Variants in FRMPD4 observed in about 807,000 individuals in gnomAD.
FRMPD4 encodes the protein FERM and PDZ domain-containing protein 4.
Under a neutral mutation model 94.1 loss-of-function variants are expected in FRMPD4, and 22 were observed. That is an observed-to-expected ratio of 0.23 (90% CI 0.17 to 0.33). FRMPD4 has a LOEUF of 0.33. FRMPD4 is among the 10% of genes least tolerant of loss of function. The probability of loss-of-function intolerance (pLI) is 1.00; values close to 1 mark genes in which losing one functional copy is unlikely to be tolerated. For synonymous variants in FRMPD4, 631 were observed against 548.6 expected (o/e 1.15, Z -2.10); for missense variants, 1,111 against 1,339.9 (o/e 0.83, Z 2.67).
At chrX:12,139,253 T>G (rs183499215) in intron 1 of FRMPD4, among the ~76,000 whole-genome samples, 12 of 111,192 alleles carry the variant, frequency 1.1e-4, no homozygotes, top group Non-Finnish European at 2.1e-4. Flanking sequence ...ACACCGACAT[T>G]CACGACAGTT....
At chrX:12,688,503 G>A (rs2060049984) in intron 7 of FRMPD4, among the ~76,000 whole-genome samples, 1 of 111,799 alleles carries the variant, frequency 8.9e-6, no homozygotes, top group Non-Finnish European at 1.9e-5. Flanking sequence ...TATTACAATA[G>A]ACACTGGCTG....
At chrX:12,392,791 T>C (rs1216190284) in intron 1 of FRMPD4, among the ~76,000 whole-genome samples, 1 of 111,989 alleles carries the variant, frequency 8.9e-6, no homozygotes, top group Non-Finnish European at 1.9e-5. Context: ...TCCCATATCC[T>C]AGAGATAAGA....
intron 3 of FRMPD4, among the ~76,000 whole-genome samples, chrX:11,929,179 A>G (rs1337201403): frequency 8.9e-6 from 1 of 112,078 alleles, no homozygotes; most frequent in Admixed American, 9.4e-5. Context: ...GGGTGATGGA[A>G]TAATCTGTAC....
chrX:12,501,240 T>G (rs2057916517), intron 2 of FRMPD4, among the ~76,000 whole-genome samples: 1 of 112,682 alleles, frequency 8.9e-6, no homozygotes, highest in African/African-American at 3.2e-5. Flanking sequence ...CTGCACTGAT[T>G]ACTAAATGGC....
At chrX:12,084,705 A>C (rs781705222) in intron 3 of FRMPD4, among the ~76,000 whole-genome samples, 2 of 112,416 alleles carry the variant, frequency 1.8e-5, no homozygotes, top group Non-Finnish European at 3.8e-5. Flanking sequence ...ATTGATAATT[A>C]AAAGCATCTT....
intron 1 of FRMPD4, among the ~76,000 whole-genome samples, chrX:12,393,901 GAT>G (rs1234226129): frequency 2.7e-5 from 3 of 111,629 alleles, no homozygotes; most frequent in Non-Finnish European, 5.7e-5. Flanking sequence ...ACTTATGAAA[GAT>G]AGAAACCTGT....
At chrX:12,674,439 C>T (rs1283868562) in intron 4 of FRMPD4, among the ~76,000 whole-genome samples, 1 of 111,837 alleles carries the variant, frequency 8.9e-6, no homozygotes, top group Non-Finnish European at 1.9e-5. Flanking sequence ...AATCTCTTCC[C>T]CTGACAGAAA....
At chrX:12,493,432 C>T (rs968444127) in intron 1 of FRMPD4, among the ~76,000 whole-genome samples, 6 of 111,401 alleles carry the variant, frequency 5.4e-5, no homozygotes, top group Non-Finnish European at 5.7e-5. Context: ...GCAATGTCAC[C>T]GATGAATGAC....
intron 1 of FRMPD4, among the ~76,000 whole-genome samples, chrX:12,215,715 T>C (rs994945426): frequency 8.9e-6 from 1 of 111,842 alleles, no homozygotes; most frequent in Non-Finnish European, 1.9e-5. Context: ...GCCATACTTC[T>C]CTCTAGGTAC....
At chrX:12,635,517 C>A (rs985566998) in intron 4 of FRMPD4, among the ~76,000 whole-genome samples, 1 of 111,361 alleles carries the variant, frequency 9.0e-6, no homozygotes, top group Admixed American at 9.6e-5. Context: ...ACTGGACTTC[C>A]CAAACAGAGC....
intron 1 of FRMPD4, among the ~76,000 whole-genome samples, chrX:11,825,101 C>T (rs953532811): frequency 1.8e-5 from 2 of 109,478 alleles, no homozygotes; most frequent in African/African-American, 3.3e-5. Flanking sequence ...AAAACAAGAA[C>T]AGAAATAGAG....
At chrX:12,065,256 C>T (rs938836748) in intron 3 of FRMPD4, among the ~76,000 whole-genome samples, 1 of 112,137 alleles carries the variant, frequency 8.9e-6, no homozygotes, top group African/African-American at 3.2e-5. Context: ...TCAAACAGAG[C>T]TGTTCCTGGC....
Position 12,294,485 on chromosome X carries a change from C to G in FRMPD4, c.41+155473C>G, listed in dbSNP as rs6640962. ...ATAACTGTACACACACACACACACA[C>G]AGAGAGAGAGAGAGAGAGAGTTTTA... is the stretch of plus-strand genomic sequence containing the variant. On this transcript the variant is annotated intron_variant, in intron 1 of 16. Transcript: ENST00000675598. Among the ~76,000 whole-genome samples the G allele has an allele frequency of 6.4e-3, 586 of 92,091 alleles. 5 individuals are homozygous for G. Among genetic ancestry groups the G allele is most frequent in the African/African-American group, 0.022 (549 of 25,078 alleles). 80.0% of individuals were successfully genotyped at this position (92,091 alleles called of 115,157 possible). A position where few individuals can be genotyped will look rare whatever the true frequency, so the allele number is the denominator to read the frequency against.
chrX:12,709,903 G>A (rs4994373), intron 13 of FRMPD4, among the ~76,000 whole-genome samples: 23,607 of 110,328 alleles, frequency 0.21, 1,924 homozygotes, highest in Middle Eastern at 0.3. Flanking sequence ...TGAGGTGGGC[G>A]GATCATTTGA....
chrX:11,953,391 C>T (rs371165715), intron 3 of FRMPD4, among the ~76,000 whole-genome samples: 4 of 111,800 alleles, frequency 3.6e-5, no homozygotes, highest in Middle Eastern at 4.6e-3. Context: ...AAAGATGTCC[C>T]TTTTCAGGAG....
intron 1 of FRMPD4, among the ~76,000 whole-genome samples, chrX:12,220,409 A>AT (rs2056852621): frequency 8.9e-6 from 1 of 111,881 alleles, no homozygotes; most frequent in African/African-American, 3.3e-5. Flanking sequence ...ACAACTGGGC[A>AT]TACTCTTGTA....
chrX:11,892,811 G>T (rs2053882399), intron 3 of FRMPD4, among the ~76,000 whole-genome samples: 1 of 111,988 alleles, frequency 8.9e-6, no homozygotes, highest in Non-Finnish European at 1.9e-5. Flanking sequence ...AACAAGAATT[G>T]GGAACATAAT....
intron 4 of FRMPD4, among the ~76,000 whole-genome samples, chrX:12,624,505 A>G (rs1467837588): frequency 2.7e-5 from 3 of 111,790 alleles, no homozygotes; most frequent in Non-Finnish European, 5.6e-5. Flanking sequence ...CAAAGAAAAA[A>G]CTATTAGTAG....
rs764379722 is a variant in FRMPD4, at chrX:11,907,498, GT to G, written c.95+29482del. Among the ~76,000 whole-genome samples the G allele has an allele frequency of 6.2e-5, 7 of 112,083 alleles. No individual in the cohort carries two copies. In the East Asian group the frequency reaches 1.7e-3, roughly 27 times the overall value. On this transcript the variant is annotated intron_variant, in intron 3 of 18. Transcript: ENST00000640291. ...CTGGAGTCTGGAAGTCCAATGTGAG[GT>G]TGCAAGCATGGTTGGGTTCTGGTGA...
Sources: allele counts gnomAD v4.1 joint callset (sites outside exome capture counted in the v4.1 genomes callset), GRCh38; gene constraint gnomAD v4.1.1; transcripts MANE v1.5; gene names NCBI Gene and HGNC (gene_info 2026-07-23, HGNC 2026-07-21).